SLC24A2: variants seen among roughly 807,000 people sequenced by gnomAD.
The protein encoded by SLC24A2 is sodium/potassium/calcium exchanger 2.
A neutral mutation model predicts 62.0 loss-of-function variants in SLC24A2; 36 were observed. The observed-to-expected ratio is 0.58, with a 90% CI of 0.44 to 0.77. SLC24A2 has a LOEUF of 0.77. SLC24A2 is among the 30% of genes least tolerant of loss of function. SLC24A2 has a pLI of 0.00. For synonymous variants in SLC24A2, 358 were observed against 294.0 expected (o/e 1.22, Z -2.23); for missense variants, 846 against 817.9 (o/e 1.03, Z -0.42).
the SLC24A2 span, among the ~76,000 whole-genome samples, chr9:19,848,627 T>C: frequency 1.3e-5 from 2 of 152,194 alleles, no homozygotes; most frequent in African/African-American, 4.8e-5. Context: ...GAAATGTAAT[T>C]ATATATAATA....
chr9:19,672,002 G>T (rs1345451659), intron 2 of SLC24A2, among the ~76,000 whole-genome samples: 2 of 145,944 alleles, frequency 1.4e-5, no homozygotes, highest in Admixed American at 1.3e-4. Context: ...AGGGATATTG[G>T]TCTGTAATTT....
chr9:19,684,828 T>C (rs774838246), intron 2 of SLC24A2, among the ~76,000 whole-genome samples: 4 of 151,996 alleles, frequency 2.6e-5, no homozygotes, highest in Non-Finnish European at 4.4e-5. Flanking sequence ...CTGTTCAACA[T>C]GGTACTAATA....
At chr9:20,116,934 G>C in the SLC24A2 span, among the ~76,000 whole-genome samples, 3 of 152,116 alleles carry the variant, frequency 2.0e-5, no homozygotes, top group African/African-American at 7.2e-5. Flanking sequence ...TCAAACATAA[G>C]ATCAGTCTTG....
the SLC24A2 span, among the ~76,000 whole-genome samples, chr9:20,059,675 C>G: frequency 6.6e-6 from 1 of 151,934 alleles, no homozygotes; most frequent in Admixed American, 6.6e-5. Context: ...TTATAACAAG[C>G]TGTAAATGCC....
the SLC24A2 span, among the ~76,000 whole-genome samples, chr9:20,120,100 C>T: frequency 6.6e-6 from 1 of 152,174 alleles, no homozygotes; most frequent in South Asian, 2.1e-4. Context: ...TTAACACCAG[C>T]AACATTGTAT....
chr9:19,861,314 T>C, the SLC24A2 span, among the ~76,000 whole-genome samples: 78 of 152,334 alleles, frequency 5.1e-4, no homozygotes, highest in African/African-American at 1.7e-3. Context: ...CAAAGAATTC[T>C]TCCAGATCTT....
At chr9:19,790,530 C>CAAAAAAAAAA (rs3086381), upstream of SLC24A2, among the ~76,000 whole-genome samples, 1 of 122,446 alleles carries the variant, frequency 8.2e-6, no homozygotes, top group South Asian at 2.7e-4. Flanking sequence ...ATTTGAGCAT[C>CAAAAAAAAAA]AAAAAAAAAA....
chr9:20,056,682 G>C, the SLC24A2 span, among the ~76,000 whole-genome samples: 6 of 152,244 alleles, frequency 3.9e-5, no homozygotes, highest in Middle Eastern at 3.4e-3. Context: ...GGCAACCAAA[G>C]CAAGGGCATA....
At chr9:19,947,848 G>GAAAGAAAT in the SLC24A2 span, among the ~76,000 whole-genome samples, 115 of 145,298 alleles carry the variant, frequency 7.9e-4, no homozygotes, top group Middle Eastern at 7.5e-3. Context: ...AAGAAAGAAA[G>GAAAGAAAT]AAATTAGTTC....
chr9:20,245,552 C>T, the SLC24A2 span, among the ~76,000 whole-genome samples: 4 of 152,128 alleles, frequency 2.6e-5, no homozygotes, highest in Non-Finnish European at 5.9e-5. Context: ...GCTTAGATTG[C>T]TGTACTAAGG....
At chr9:19,923,050 G>C in the SLC24A2 span, among the ~76,000 whole-genome samples, 1 of 150,882 alleles carries the variant, frequency 6.6e-6, no homozygotes, top group Non-Finnish European at 1.5e-5. Context: ...TAAAAAAAAT[G>C]TTAAAAGAAA....
chr9:19,743,862 G>A (rs770417618), intron 2 of SLC24A2, among the ~76,000 whole-genome samples: 14 of 152,200 alleles, frequency 9.2e-5, no homozygotes, highest in Non-Finnish European at 1.9e-4. Context: ...CGGGTACCTG[G>A]TTTTGGTGGG....
At chr9:20,036,029 A>G in the SLC24A2 span, among the ~76,000 whole-genome samples, 11 of 152,208 alleles carry the variant, frequency 7.2e-5, no homozygotes, top group Non-Finnish European at 1.3e-4. Context: ...AGGAGAGAGA[A>G]AAAGAGAAAG....
the SLC24A2 span, among the ~76,000 whole-genome samples, chr9:19,855,176 TG>T: frequency 6.6e-6 from 1 of 152,202 alleles, no homozygotes; most frequent in Non-Finnish European, 1.5e-5. Context: ...TTTGAGCCTA[TG>T]GGTGTCTTTG....
At chr9:20,185,882 C>G in the SLC24A2 span, among the ~76,000 whole-genome samples, 6 of 152,124 alleles carry the variant, frequency 3.9e-5, no homozygotes, top group Non-Finnish European at 4.4e-5. Flanking sequence ...CACCCCCACA[C>G]TCAGGCATTT....
intron 5 of SLC24A2, among the ~76,000 whole-genome samples, chr9:19,594,539 AC>A (rs1327826579): frequency 6.6e-6 from 1 of 152,158 alleles, no homozygotes; most frequent in East Asian, 1.9e-4. Flanking sequence ...GCAAGTCATG[AC>A]CTCACACAAC....
the SLC24A2 span, among the ~76,000 whole-genome samples, chr9:20,066,216 T>C: frequency 6.6e-6 from 1 of 152,130 alleles, no homozygotes. Flanking sequence ...CAACAAAAAA[T>C]AATAAAAAAC....
At chr9:20,018,648 A>G in the SLC24A2 span, among the ~76,000 whole-genome samples, 2 of 152,348 alleles carry the variant, frequency 1.3e-5, no homozygotes, top group East Asian at 3.9e-4. Context: ...AGATAACAGT[A>G]ACCATAATCA....
At chr9:20,192,856 A>G in the SLC24A2 span, among the ~76,000 whole-genome samples, 1 of 152,132 alleles carries the variant, frequency 6.6e-6, no homozygotes, top group Non-Finnish European at 1.5e-5. Flanking sequence ...AGCCAGCAAG[A>G]CTTCCCCTCA....
Sources: allele counts gnomAD v4.1 joint callset (sites outside exome capture counted in the v4.1 genomes callset), GRCh38; gene constraint gnomAD v4.1.1; transcripts MANE v1.5; gene names NCBI Gene and HGNC (gene_info 2026-07-23, HGNC 2026-07-21).